SIRPG: variants seen among roughly 807,000 people sequenced by gnomAD.
SIRPG encodes the protein signal regulatory protein gamma.
A neutral mutation model predicts 35.7 loss-of-function variants in SIRPG; 38 were observed. That is an observed-to-expected ratio of 1.06 (90% confidence interval 0.82 to 1.40). SIRPG has a LOEUF of 1.40. SIRPG is among the 40% of genes most tolerant of loss of function. SIRPG has a pLI of 0.00. For missense variants in SIRPG, 519 were observed against 483.0 expected (o/e 1.07, Z -0.70); for synonymous variants, 215 against 190.4 (o/e 1.13, Z -1.06).
chr20:1,635,880 T>A (rs2091795070), intron 3 of SIRPG, among the ~76,000 whole-genome samples: 1 of 152,198 alleles, frequency 6.6e-6, no homozygotes, highest in African/African-American at 2.4e-5. Flanking sequence ...ATGTAAGAAC[T>A]GTAGCAAAAT....
At chr20:1,660,373 T>C (rs1172809533), upstream of SIRPG, among the ~76,000 whole-genome samples, 2 of 152,168 alleles carry the variant, frequency 1.3e-5, no homozygotes, top group Non-Finnish European at 2.9e-5. Flanking sequence ...GGTAAAAATA[T>C]ACCACAATAT....
At chr20:1,659,873 A>G (rs141177817), upstream of SIRPG, among the ~76,000 whole-genome samples, 51 of 152,354 alleles carry the variant, frequency 3.3e-4, no homozygotes, top group Non-Finnish European at 2.2e-4. Context: ...ACAACCCATG[A>G]TCACATGGGG....
chr20:1,636,619 T>C (rs1222343695), intron 2 of SIRPG, 114 bp from the exon 3 acceptor site: 3 of 1,166,260 alleles, frequency 2.6e-6, no homozygotes, highest in Non-Finnish European at 3.7e-6. Context: ...CTTCTAATAA[T>C]GTGGAGAGGA....
Position 1,630,281 on chromosome 20 carries a change from C to G in SIRPG, c.1107G>C (p.Leu369=). Residue 369 remains leucine, a synonymous_variant, in exon 5 of 6, where the codon CTG becomes CTC. Coordinates refer to ENST00000303415, the MANE Select transcript of SIRPG (RefSeq NM_018556.4). The part of the protein sequence containing the change: ...TPGPASSLTA[L]LLIAVLLGPI... ...GGCCCAGGAGGACAGCTATGAGGAGCAGCGCAGTAAGGGATGATGCCGGGC... is the reference window on the plus strand; with the variant it reads ...GGCCCAGGAGGACAGCTATGAGGAGGAGCGCAGTAAGGGATGATGCCGGGC... 6.4e-7 allele frequency: 1 copy of G among 1,571,632 alleles called. No homozygotes were observed. Among genetic ancestry groups the G allele is most frequent in the Non-Finnish European group, 8.6e-7 (1 of 1,157,756 alleles).
At chr20:1,677,289 T>C in the SIRPG span, among the ~76,000 whole-genome samples, 1 of 152,244 alleles carries the variant, frequency 6.6e-6, no homozygotes, top group Non-Finnish European at 1.5e-5. Flanking sequence ...CTTCACTTTC[T>C]GGCCATATGG....
chr20:1,662,053 T>A (rs1418855786), upstream of SIRPG, among the ~76,000 whole-genome samples: 2 of 152,226 alleles, frequency 1.3e-5, no homozygotes, highest in African/African-American at 2.4e-5. Context: ...CTGCAAAAAG[T>A]CCCTTAAGTC....
Position 1,636,645 on chromosome 20 carries a change from C to T in SIRPG, c.431-140G>A, listed in dbSNP as rs1011416508. ...GTGGAGAGGATGGTGTTCTTATTCT[C>T]ATTTTACAGAGCAGGATGCAAAGGT... On this transcript the variant is annotated intron_variant, in intron 2 of 5. Transcript: ENST00000303415. The T allele has an allele frequency of 2.9e-6, 3 of 1,039,172 alleles. No individual in the cohort carries two copies. The African/African-American group carries it at 4.8e-5, about 17-fold the overall frequency. The allele number at this position is 1,039,172 out of a possible 1,614,324, so 64.4% of individuals were successfully genotyped here.
chr20:1,649,759 C>CCAGAG (rs1163377542), intron 1 of SIRPG, among the ~76,000 whole-genome samples: 1 of 149,772 alleles, frequency 6.7e-6, no homozygotes, highest in Non-Finnish European at 1.5e-5. Flanking sequence ...ACCTCAGCCT[C>CCAGAG]CAGAGTAGCT....
chr20:1,655,527 G>A (rs2091970006), intron 1 of SIRPG, among the ~76,000 whole-genome samples: 1 of 151,772 alleles, frequency 6.6e-6, no homozygotes, highest in Admixed American at 6.6e-5. Flanking sequence ...TAGAGAGGGG[G>A]TGTAGTTGGG....
the SIRPG span, chr20:1,671,128 G>A: frequency 2.3e-6 from 1 of 427,324 alleles, no homozygotes; most frequent in South Asian, 1.9e-5. Flanking sequence ...GGACTCACAG[G>A]TGAAGCTCAC....
At chr20:1,669,163 G>T in the SIRPG span, among the ~76,000 whole-genome samples, 1 of 152,198 alleles carries the variant, frequency 6.6e-6, no homozygotes, top group African/African-American at 2.4e-5. Flanking sequence ...GCACAAATTT[G>T]CCGTACAGGC....
intron 4 of SIRPG, among the ~76,000 whole-genome samples, chr20:1,634,390 G>T (rs1057209936): frequency 1.3e-5 from 2 of 151,788 alleles, no homozygotes; most frequent in Admixed American, 6.6e-5. Flanking sequence ...TGTATTTTTA[G>T]TAGAGATGGG....
the SIRPG span, among the ~76,000 whole-genome samples, chr20:1,664,870 A>C: frequency 6.6e-6 from 1 of 152,024 alleles, no homozygotes; most frequent in African/African-American, 2.4e-5. Flanking sequence ...AGAGGATCAG[A>C]GTGGGAACAG....
intron 2 of SIRPG, among the ~76,000 whole-genome samples, chr20:1,641,284 A>C (rs1172378710): frequency 6.6e-6 from 1 of 152,134 alleles, no homozygotes; most frequent in Non-Finnish European, 1.5e-5. Flanking sequence ...CCTCAATTTC[A>C]GAACTTGTTA....
At chr20:1,666,979 G>A in the SIRPG span, among the ~76,000 whole-genome samples, 5 of 151,482 alleles carry the variant, frequency 3.3e-5, no homozygotes, top group African/African-American at 9.7e-5. Flanking sequence ...TGGCGTGATC[G>A]CGGTTCACCA....
Position 1,654,875 on chromosome 20 carries a change from C to T in SIRPG, c.73+2767G>A, listed in dbSNP as rs147098307. ...CCTATTAAAATATGGGCCAAAGATC[C>T]GAATAGACATTTCTCAGAAGAAGAC... is the stretch of plus-strand genomic sequence containing the variant. On this transcript the variant is annotated intron_variant, in intron 1 of 5. Coordinates refer to ENST00000303415, the MANE Select transcript of SIRPG (RefSeq NM_018556.4). 8.3e-3 allele frequency among the ~76,000 whole-genome samples: 1,258 copies of T among 152,082 alleles called. 15 individuals carry two copies. Among genetic ancestry groups the T allele is most frequent in the African/African-American group, 0.027 (1,109 of 41,462 alleles).
intron 1 of SIRPG, among the ~76,000 whole-genome samples, chr20:1,656,950 T>C (rs1019370262): frequency 3.3e-5 from 5 of 152,168 alleles, no homozygotes; most frequent in Non-Finnish European, 7.3e-5. Flanking sequence ...TCCCGCAAGC[T>C]TAGTGATCCA....
At chr20:1,654,629 A>G (rs1449545744) in intron 1 of SIRPG, among the ~76,000 whole-genome samples, 2 of 152,216 alleles carry the variant, frequency 1.3e-5, no homozygotes, top group African/African-American at 4.8e-5. Context: ...TTGGCAATAC[A>G]TTTTTGGATT....
chr20:1,671,049 C>A, the SIRPG span: 1 of 426,270 alleles, frequency 2.3e-6, no homozygotes, highest in Non-Finnish European at 4.8e-6. Context: ...CCACGTTGAT[C>A]TGGAAGCCTG....
Sources: allele counts gnomAD v4.1 joint callset (sites outside exome capture counted in the v4.1 genomes callset), GRCh38; gene constraint gnomAD v4.1.1; transcripts MANE v1.5; gene names NCBI Gene and HGNC (gene_info 2026-07-23, HGNC 2026-07-21).